The following C4orf17 variants were observed in gnomAD, a reference collection of about 807,000 sequenced individuals.
C4orf17 encodes the protein chromosome 4 open reading frame 17.
A neutral mutation model predicts 32.0 loss-of-function variants in C4orf17; 25 were observed. That is an observed-to-expected ratio of 0.78 (90% CI 0.57 to 1.09). The LOEUF is 1.09. Ranked by LOEUF, C4orf17 falls within the 50% of genes least tolerant of loss-of-function variation. C4orf17 has a pLI of 0.00. For synonymous variants in C4orf17, 149 were observed against 145.8 expected (o/e 1.02, Z -0.16); for missense variants, 420 against 420.0 (o/e 1.00, Z 0.00).
At chr4:99,524,683 A>G in intron 4 of C4orf17, 98 bp downstream of exon 4, 1 of 722,656 alleles carries the variant, frequency 1.4e-6, no homozygotes, top group South Asian at 1.8e-5. Context: ...CATGTTTCAC[A>G]ATATTTTTAC....
chr4:99,533,942 A>G (rs1723518115), intron 5 of C4orf17, among the ~76,000 whole-genome samples: 1 of 152,194 alleles, frequency 6.6e-6, no homozygotes, highest in Admixed American at 6.5e-5. Context: ...ACTTGCCAAT[A>G]TATTAATTAC....
intron 6 of C4orf17, 71 bp from the exon 7 acceptor site, chr4:99,539,092 T>C: frequency 1.5e-6 from 2 of 1,330,952 alleles, no homozygotes; most frequent in South Asian, 1.2e-5. Context: ...GAGCTGGATA[T>C]TCCTGTGTTT....
chr4:99,529,857 T>C lies in C4orf17; in HGVS notation c.445T>C (p.Cys149Arg), dbSNP rs774297173. The C allele has an allele frequency of 1.2e-6, 2 of 1,613,174 alleles. No homozygotes were observed. The highest frequency in any genetic ancestry group is 1.7e-6 in the Non-Finnish European group (2 of 1,179,452). Residue 149 changes from cysteine to arginine, a missense_variant, in exon 5 of 9, where the codon TGC becomes CGC. Cys to Arg is a radical substitution (Grantham distance 180). Transcript: ENST00000326581. ...AAGACCACCATCACCTCCAAAGGCA[T>C]GCTCTACTCCTGGCTCCTGTTCTTC... ...AKRPPSPPKA[C>R]STPGSCSSGM...
At chr4:99,513,393 C>A (rs1723128211) in intron 2 of C4orf17, among the ~76,000 whole-genome samples, 185 bp downstream of exon 2, 1 of 152,174 alleles carries the variant, frequency 6.6e-6, no homozygotes, top group African/African-American at 2.4e-5. Flanking sequence ...AGAGCAGAGG[C>A]CTGCAGTCCC....
rs759930891 is a variant in C4orf17, at chr4:99,513,156, C to T, written c.75C>T (p.Ser25=). The T allele has an allele frequency of 1.9e-6, 3 of 1,613,926 alleles. No homozygotes were observed. In the South Asian group the frequency reaches 3.3e-5, roughly 18 times the overall value. ...GCCATATTATGGCTAGAAATGTAAG[C>T]TGCTTTCTAGTCAGGCACACCCCTC... The part of the protein sequence containing the change: ...KGSHIMARNV[S]CFLVRHTPHP... The change falls in exon 2 of 9, where the codon AGC becomes AGT. Residue 25 remains serine (S), a synonymous_variant. Coordinates refer to ENST00000326581, the MANE Select transcript of C4orf17 (RefSeq NM_032149.3).
At chr4:99,513,537 T>G (rs1560583980) in intron 2 of C4orf17, among the ~76,000 whole-genome samples, 1 of 152,088 alleles carries the variant, frequency 6.6e-6, no homozygotes, top group East Asian at 1.9e-4. Context: ...ATAAAAATAT[T>G]TCAGTATTTT....
At chr4:99,535,418 G>A (rs774705303) in intron 5 of C4orf17, among the ~76,000 whole-genome samples, 26 of 151,758 alleles carry the variant, frequency 1.7e-4, no homozygotes, top group Non-Finnish European at 2.8e-4. Context: ...CACATTTCTC[G>A]GAGGTTTTGC....
intron 4 of C4orf17, 52 bp downstream of exon 4, chr4:99,524,637 C>T (rs749936750): frequency 2.7e-6 from 3 of 1,129,816 alleles, no homozygotes; most frequent in Non-Finnish European, 3.9e-6. Flanking sequence ...CTATAAGTTC[C>T]TCTCCTTTTC....
intron 8 of C4orf17, 81 bp from the exon 9 acceptor site, chr4:99,541,829 G>A (rs1723653922): frequency 1.0e-6 from 1 of 989,888 alleles, no homozygotes; most frequent in Non-Finnish European, 1.5e-6. Context: ...GTTTTTTATA[G>A]ATAATTTACT....
intron 4 of C4orf17, among the ~76,000 whole-genome samples, chr4:99,529,025 A>G (rs1723435879): frequency 6.6e-6 from 1 of 152,206 alleles, no homozygotes; most frequent in Non-Finnish European, 1.5e-5. Context: ...TGTATAATAA[A>G]CTTAAAAAAA....
intron 2 of C4orf17, among the ~76,000 whole-genome samples, chr4:99,518,865 T>C (rs1316105633): frequency 1.3e-5 from 2 of 151,984 alleles, no homozygotes; most frequent in Non-Finnish European, 2.9e-5. Context: ...TGGTTCCTCA[T>C]TTTGGTTTAA....
At chr4:99,541,483 C>A (rs1723649867) in intron 8 of C4orf17, 1 of 157,530 alleles carries the variant, frequency 6.3e-6, no homozygotes, top group Non-Finnish European at 1.4e-5. Flanking sequence ...CCTTTCTCTC[C>A]ATTGTCGATA....
At chr4:99,539,074 A>T (rs1723609939) in intron 6 of C4orf17, 89 bp from the exon 7 acceptor site, 1 of 1,187,570 alleles carries the variant, frequency 8.4e-7, no homozygotes, top group Non-Finnish European at 1.2e-6. Context: ...CCAGTCTTTC[A>T]TACTCAGGAG....
At chr4:99,537,811 A>T in intron 6 of C4orf17, 61 bp downstream of exon 6, 2 of 1,181,720 alleles carry the variant, frequency 1.7e-6, no homozygotes, top group Admixed American at 3.4e-5. Flanking sequence ...AACTGGGAAT[A>T]TGCCAATATC....
intron 5 of C4orf17, among the ~76,000 whole-genome samples, chr4:99,534,800 T>C (rs1342232574): frequency 6.6e-6 from 1 of 152,196 alleles, no homozygotes; most frequent in African/African-American, 2.4e-5. Flanking sequence ...TGCTAGCTGG[T>C]TATTTTGCAG....
chr4:99,523,717 T>G (rs946689319), intron 3 of C4orf17, among the ~76,000 whole-genome samples: 1 of 152,102 alleles, frequency 6.6e-6, no homozygotes, highest in Non-Finnish European at 1.5e-5. Context: ...TATCTATAAA[T>G]TAATGTAAAG....
chr4:99,537,828 T>C, intron 6 of C4orf17, 78 bp downstream of exon 6: 1 of 1,035,842 alleles, frequency 9.7e-7, no homozygotes, highest in Non-Finnish European at 1.5e-6. Context: ...TATCTGAAGT[T>C]TTGTACCTTG....
intron 2 of C4orf17, among the ~76,000 whole-genome samples, chr4:99,513,560 A>T (rs908051461): frequency 6.6e-6 from 1 of 152,136 alleles, no homozygotes; most frequent in Admixed American, 6.5e-5. Context: ...CAATCCACAC[A>T]TCTGCATGCT....
chr4:99,518,581 A>AGAGAGG (rs1723235199), intron 2 of C4orf17, among the ~76,000 whole-genome samples: 1 of 110,678 alleles, frequency 9.0e-6, no homozygotes, highest in South Asian at 3.1e-4. Flanking sequence ...AGAGAGAGAG[A>AGAGAGG]GAGGGAGGGA....
Sources: gnomAD v4.1 joint callset for allele counts (sites outside exome capture counted in the v4.1 genomes callset) on GRCh38, gnomAD v4.1.1 for gene constraint, MANE v1.5 for transcripts, NCBI Gene and HGNC (gene_info 2026-07-23, HGNC 2026-07-21) for gene names.